The following SNTG2 variants were observed in gnomAD, a reference collection of about 807,000 sequenced individuals.
The protein encoded by SNTG2 is gamma-2-syntrophin.
A neutral mutation model predicts 70.9 loss-of-function variants in SNTG2; 74 were observed. The observed-to-expected ratio is 1.04, with a 90% CI of 0.86 to 1.27. SNTG2 has a LOEUF of 1.27. Ranked by LOEUF, SNTG2 falls within the 50% of genes most tolerant of loss-of-function variation. The probability of loss-of-function intolerance (pLI) is 0.00; values close to 1 mark genes in which losing one functional copy is unlikely to be tolerated. For missense variants in SNTG2, 717 were observed against 690.7 expected, an observed-to-expected ratio of 1.04 and a Z score of -0.43; for synonymous variants, 278 against 273.8, an observed-to-expected ratio of 1.02 and a Z score of -0.15.
chr2:1,123,983 G>A (rs62107421), intron 4 of SNTG2, among the ~76,000 whole-genome samples: 11,322 of 152,224 alleles, frequency 0.074, 663 homozygotes, highest in South Asian at 0.21. Flanking sequence ...GGGGATTGGA[G>A]AATGGGGAGA....
intron 2 of SNTG2, among the ~76,000 whole-genome samples, chr2:1,096,108 C>T (rs1665374242): frequency 6.6e-6 from 1 of 152,086 alleles, no homozygotes; most frequent in Non-Finnish European, 1.5e-5. Flanking sequence ...AAACGGTATG[C>T]CTCCCACATG....
chr2:1,302,205 C>T (rs1414029492), intron 14 of SNTG2, among the ~76,000 whole-genome samples: 1 of 152,088 alleles, frequency 6.6e-6, no homozygotes, highest in Non-Finnish European at 1.5e-5. Flanking sequence ...GTGATCCTCC[C>T]ACCTCAGCCT....
intron 8 of SNTG2, among the ~76,000 whole-genome samples, chr2:1,181,992 A>G (rs1019840485): frequency 6.6e-6 from 1 of 152,162 alleles, no homozygotes; most frequent in African/African-American, 2.4e-5. Flanking sequence ...TGCTGAATCC[A>G]TTGCTGCTTC....
chr2:1,307,487 GGAAA>G (rs914913981), intron 14 of SNTG2, among the ~76,000 whole-genome samples: 9 of 151,496 alleles, frequency 5.9e-5, no homozygotes, highest in Admixed American at 4.6e-4. Context: ...AGAGAAGGAG[GGAAA>G]GAGAGAGAGT....
At chr2:1,222,073 GTCTCTGTCTCTGTCTCTCTCTGTC>G (rs1675151477) in intron 9 of SNTG2, among the ~76,000 whole-genome samples, 1 of 4,638 alleles carries the variant, frequency 2.2e-4, no homozygotes, top group Non-Finnish European at 4.1e-4. Context: ...GTTTCTCTCT[GTCTCTGTCTCTGTCTCTCTCTGTC>G]TCTCTCTGTC....
chr2:1,306,252 G>A (rs919595843), intron 14 of SNTG2, among the ~76,000 whole-genome samples: 1 of 152,100 alleles, frequency 6.6e-6, no homozygotes, highest in Non-Finnish European at 1.5e-5. Flanking sequence ...CCGGCTGTGT[G>A]TGTGGCGTTG....
intron 4 of SNTG2, among the ~76,000 whole-genome samples, chr2:1,134,854 C>T (rs1668268556): frequency 6.6e-6 from 1 of 152,158 alleles, no homozygotes; most frequent in African/African-American, 2.4e-5. Flanking sequence ...GCTGCAGGTC[C>T]CGAGCCCTGC....
intron 4 of SNTG2, among the ~76,000 whole-genome samples, chr2:1,128,990 T>A (rs1667865862): frequency 1.3e-5 from 2 of 152,054 alleles, no homozygotes; most frequent in Non-Finnish European, 1.5e-5. Context: ...GAAGGGGAGA[T>A]CATACACCTA....
chr2:1,219,699 T>G (rs926674545), intron 9 of SNTG2, among the ~76,000 whole-genome samples: 319 of 80,434 alleles, frequency 4.0e-3, no homozygotes, highest in Admixed American at 0.012. Context: ...GGGAGGGGAG[T>G]GGAGGGGAGG....
At chr2:993,091 ATACTC>A in intron 1 of SNTG2, among the ~76,000 whole-genome samples, 1 of 106,788 alleles carries the variant, frequency 9.4e-6, no homozygotes. Flanking sequence ...TTTTTTTATT[ATACTC>A]TAAGTTTTAG....
intron 14 of SNTG2, among the ~76,000 whole-genome samples, chr2:1,276,232 T>C (rs757412890): frequency 7.2e-5 from 11 of 152,254 alleles, no homozygotes; most frequent in Non-Finnish European, 1.6e-4. Context: ...AGATTTTCCA[T>C]GTAGACGAAA....
intron 8 of SNTG2, among the ~76,000 whole-genome samples, chr2:1,192,467 C>T (rs960778375): frequency 6.6e-6 from 1 of 151,996 alleles, no homozygotes; most frequent in South Asian, 2.1e-4. Context: ...GTGACACAGT[C>T]GTGTGATGAA....
At chr2:1,163,488 TG>T (rs1471706624) in intron 6 of SNTG2, 2 of 148,934 alleles carry the variant, frequency 1.3e-5, no homozygotes, top group East Asian at 4.1e-4. Flanking sequence ...CAACAGGAAG[TG>T]GGCATGTGAG....
chr2:970,538 G>T (rs889477105), intron 1 of SNTG2, among the ~76,000 whole-genome samples: 1 of 144,168 alleles, frequency 6.9e-6, no homozygotes, highest in Admixed American at 7.0e-5. Flanking sequence ...TTGTTCTTGC[G>T]ATAGTTTACT....
intron 16 of SNTG2, among the ~76,000 whole-genome samples, chr2:1,331,404 G>A (rs1270800291): frequency 6.6e-6 from 1 of 152,220 alleles, no homozygotes; most frequent in African/African-American, 2.4e-5. Flanking sequence ...CTTCTGCTGC[G>A]AGCTAAGTCC....
At chr2:1,029,039 C>T (rs1375666160) in intron 1 of SNTG2, among the ~76,000 whole-genome samples, 3 of 152,250 alleles carry the variant, frequency 2.0e-5, no homozygotes, top group East Asian at 1.9e-4. Flanking sequence ...CAGGCAGGAT[C>T]GGGAGGGGCT....
At chr2:975,881 A>G (rs1017655363) in intron 1 of SNTG2, among the ~76,000 whole-genome samples, 9 of 152,244 alleles carry the variant, frequency 5.9e-5, no homozygotes, top group Admixed American at 2.0e-4. Flanking sequence ...ACCTTTATTA[A>G]TGTGTTATGA....
intron 1 of SNTG2, among the ~76,000 whole-genome samples, chr2:981,003 G>A (rs1661079488): frequency 6.6e-6 from 1 of 152,110 alleles, no homozygotes; most frequent in African/African-American, 2.4e-5. Flanking sequence ...TAAATGAGTA[G>A]CCCAAGGTTA....
intron 6 of SNTG2, among the ~76,000 whole-genome samples, chr2:1,155,576 C>T (rs1038117763): frequency 3.9e-5 from 6 of 152,198 alleles, no homozygotes; most frequent in African/African-American, 1.2e-4. Flanking sequence ...AGCTCAGAGC[C>T]CCTGGGGCCA....
Sources: gnomAD v4.1 joint callset for allele counts (sites outside exome capture counted in the v4.1 genomes callset) on GRCh38, gnomAD v4.1.1 for gene constraint, MANE v1.5 for transcripts, NCBI Gene and HGNC (gene_info 2026-07-23, HGNC 2026-07-21) for gene names.